The following IMMP2L variants were observed in gnomAD, a reference collection of about 807,000 sequenced individuals.
IMMP2L encodes inner mitochondrial membrane peptidase subunit 2.
Under a neutral mutation model 19.3 loss-of-function variants are expected in IMMP2L, and 18 were observed. That is an observed-to-expected ratio of 0.93 (90% CI 0.64 to 1.38). The LOEUF (loss-of-function observed/expected upper bound fraction) is 1.38. Ranked by LOEUF, IMMP2L falls within the 40% of genes most tolerant of loss-of-function variation. The pLI, the probability that IMMP2L is intolerant of heterozygous loss-of-function variation, is 0.00. For synonymous variants in IMMP2L, 76 were observed against 73.0 expected (o/e 1.04, Z -0.21); for missense variants, 233 against 218.2 (o/e 1.07, Z -0.43).
intron 3 of IMMP2L, among the ~76,000 whole-genome samples, chr7:111,386,710 C>A (rs573789150): frequency 6.6e-6 from 1 of 152,228 alleles, no homozygotes; most frequent in South Asian, 2.1e-4. Context: ...CTTCCCTGTG[C>A]GATCATAATC....
At chr7:110,678,719 A>G (rs776275162) in intron 5 of IMMP2L, among the ~76,000 whole-genome samples, 48 of 152,136 alleles carry the variant, frequency 3.2e-4, no homozygotes, top group Non-Finnish European at 6.3e-4. Flanking sequence ...CAGATTCATC[A>G]AAGTTAGCTC....
intron 1 of IMMP2L, among the ~76,000 whole-genome samples, chr7:111,560,440 T>G (rs964415037): frequency 6.6e-6 from 1 of 152,152 alleles, no homozygotes; most frequent in Non-Finnish European, 1.5e-5. Context: ...CTACAAAAGT[T>G]ATCCTCATCT....
chr7:111,242,997 A>AC (rs1554409309), intron 3 of IMMP2L, among the ~76,000 whole-genome samples: 1 of 151,998 alleles, frequency 6.6e-6, no homozygotes, highest in Non-Finnish European at 1.5e-5. Flanking sequence ...ATCTTAAAAT[A>AC]TTTTTTTCTG....
intron 4 of IMMP2L, among the ~76,000 whole-genome samples, chr7:110,893,014 C>T (rs1028510290): frequency 6.6e-6 from 1 of 152,020 alleles, no homozygotes; most frequent in Non-Finnish European, 1.5e-5. Context: ...TACAGGCATA[C>T]GTTCAATATA....
chr7:110,798,658 G>T (rs1228527062), intron 5 of IMMP2L, among the ~76,000 whole-genome samples: 1 of 151,848 alleles, frequency 6.6e-6, no homozygotes, highest in South Asian at 2.1e-4. Flanking sequence ...AAGAAAGCGG[G>T]GGTGGAGGGG....
At chr7:110,886,250 T>G (rs1425828376) in intron 5 of IMMP2L, among the ~76,000 whole-genome samples, 1 of 152,030 alleles carries the variant, frequency 6.6e-6, no homozygotes, top group Non-Finnish European at 1.5e-5. Context: ...ACACATTGTC[T>G]GCTAAACATC....
chr7:110,801,556 A>G (rs1196781589), intron 5 of IMMP2L, among the ~76,000 whole-genome samples: 1 of 152,118 alleles, frequency 6.6e-6, no homozygotes, highest in Admixed American at 6.6e-5. Context: ...AGGAACATTG[A>G]CATTCCTATT....
intron 2 of IMMP2L, among the ~76,000 whole-genome samples, chr7:111,501,582 G>A (rs1015604989): frequency 6.6e-6 from 1 of 152,114 alleles, no homozygotes; most frequent in Non-Finnish European, 1.5e-5. Flanking sequence ...AGAAAGGTCG[G>A]GTTACCCACA....
intron 1 of IMMP2L, among the ~76,000 whole-genome samples, chr7:111,549,684 A>C (rs1245444729): frequency 6.6e-6 from 1 of 152,168 alleles, no homozygotes; most frequent in African/African-American, 2.4e-5. Flanking sequence ...TCACACCTGT[A>C]ATCCCAGCAC....
At chr7:110,813,852 C>T (rs1235550393) in intron 5 of IMMP2L, among the ~76,000 whole-genome samples, 1 of 150,846 alleles carries the variant, frequency 6.6e-6, no homozygotes, top group East Asian at 1.9e-4. Context: ...CATTTTTTGC[C>T]TGAGTTTAAA....
rs142326364 is a variant in IMMP2L at position 111,521,631 on chromosome 7, C to T, written c.-2-182G>A. Among the ~76,000 whole-genome samples the T allele has an allele frequency of 4.8e-4, 73 of 152,206 alleles. 2 individuals are homozygous for T. In the East Asian group the frequency reaches 0.012, roughly 25 times the overall value. On this transcript the variant is annotated intron_variant, in intron 1 of 5. Coordinates refer to ENST00000405709, the MANE Select transcript of IMMP2L (RefSeq NM_032549.4). ...TTACTTAAAGTCCTAAAGTGAAATACGTGAACTCAGGTTAATGCTTTTCCA... is the reference window on the plus strand; with the variant it reads ...TTACTTAAAGTCCTAAAGTGAAATATGTGAACTCAGGTTAATGCTTTTCCA...
intron 5 of IMMP2L, among the ~76,000 whole-genome samples, chr7:110,819,540 G>A (rs755295833): frequency 9.9e-5 from 15 of 151,952 alleles, no homozygotes; most frequent in Non-Finnish European, 2.2e-4. Context: ...ACTTTTCTGT[G>A]CAAACCCAAA....
At chr7:110,743,961 G>A (rs2052033261) in intron 5 of IMMP2L, among the ~76,000 whole-genome samples, 1 of 152,170 alleles carries the variant, frequency 6.6e-6, no homozygotes, top group African/African-American at 2.4e-5. Context: ...CAAGTAGTCT[G>A]GTTCGTCGGA....
At chr7:111,056,655 T>C (rs1793537647) in intron 3 of IMMP2L, among the ~76,000 whole-genome samples, 2 of 152,226 alleles carry the variant, frequency 1.3e-5, no homozygotes, top group Admixed American at 1.3e-4. Context: ...CCTGAAGCCT[T>C]ACTGATAAAT....
intron 3 of IMMP2L, among the ~76,000 whole-genome samples, chr7:111,473,864 A>G (rs1411583968): frequency 3.3e-5 from 5 of 152,138 alleles, no homozygotes; most frequent in Non-Finnish European, 7.4e-5. Flanking sequence ...AAAGATGCAC[A>G]CACTCATATG....
At chr7:111,427,433 T>C (rs574868917) in intron 3 of IMMP2L, among the ~76,000 whole-genome samples, 1 of 151,710 alleles carries the variant, frequency 6.6e-6, no homozygotes, top group African/African-American at 2.4e-5. Flanking sequence ...CATTCAGAGA[T>C]CCAAGAGAAA....
In IMMP2L at chr7:110,870,285, T is replaced by C. The variant is rs1228763648; in HGVS notation, c.408+16308A>G. Reference sequence around the variant, plus strand: ...CCAAAGATGTCAGATGTCCTTCTTGTATACTTTCCACTGACTTCTTATTTC... The same window carrying C: ...CCAAAGATGTCAGATGTCCTTCTTGCATACTTTCCACTGACTTCTTATTTC... On this transcript the variant is annotated intron_variant, in intron 5 of 5. Transcript: ENST00000405709. This position sits in a 1 kb window ranked among gnomAD's most constrained non-coding sequence, Gnocchi z 4.2. 6.6e-6 allele frequency among the ~76,000 whole-genome samples: 1 copy of C among 152,142 alleles called. No homozygotes were observed. The highest frequency in any genetic ancestry group is 2.4e-5 in the African/African-American group (1 of 41,456).
At chr7:111,501,068 A>C (rs1000063907) in intron 2 of IMMP2L, among the ~76,000 whole-genome samples, 13 of 152,006 alleles carry the variant, frequency 8.6e-5, no homozygotes, top group African/African-American at 3.1e-4. Flanking sequence ...GAAGTTAAAA[A>C]CTTTGAAAAA....
At chr7:111,007,000 T>C (rs1824360170) in intron 3 of IMMP2L, among the ~76,000 whole-genome samples, 1 of 152,124 alleles carries the variant, frequency 6.6e-6, no homozygotes, top group South Asian at 2.1e-4. Flanking sequence ...TTGAACCTAC[T>C]TGTATTAGTC....
Sources: allele counts gnomAD v4.1 joint callset (sites outside exome capture counted in the v4.1 genomes callset), GRCh38; gene constraint gnomAD v4.1.1; non-coding constraint Gnocchi (gnomAD v3.1); transcripts MANE v1.5; gene names NCBI Gene and HGNC (gene_info 2026-07-23, HGNC 2026-07-21).